Variants in SVIL observed in about 807,000 individuals in gnomAD.
SVIL encodes the protein supervillin.
A neutral mutation model predicts 240.4 loss-of-function variants in SVIL; 101 were observed. The observed-to-expected ratio is 0.42, with a 90% CI of 0.36 to 0.50. The LOEUF is 0.50. SVIL is among the 20% of genes least tolerant of loss of function. The pLI, the probability that SVIL is intolerant of heterozygous loss-of-function variation, is 0.01. For missense variants in SVIL, 2,512 were observed against 2,818.7 expected, an observed-to-expected ratio of 0.89 and a Z score of 2.46; for synonymous variants, 999 against 1,100.0, an observed-to-expected ratio of 0.91 and a Z score of 1.82.
At chr10:29,710,489 CCACT>C (rs1274054004) in intron 1 of SVIL, among the ~76,000 whole-genome samples, 1 of 152,116 alleles carries the variant, frequency 6.6e-6, no homozygotes, top group African/African-American at 2.4e-5. Context: ...ACTGATACAC[CCACT>C]GACTACCAAA....
Position 29,470,501 on chromosome 10 carries a change from G to A in SVIL, c.5636-18C>T, listed in dbSNP as rs904771079. On this transcript the variant is annotated intron_variant, in intron 31 of 37. Coordinates refer to ENST00000355867, the MANE Select transcript of SVIL (RefSeq NM_021738.3). ...CCACTCACCTGCAGGGGGCACCGGC[G>A]GCGCGGAGGAGTTAGCACGTGAGCG... The A allele has an allele frequency of 1.7e-5, 27 of 1,613,656 alleles. No individual in the cohort carries two copies. The highest frequency in any genetic ancestry group is 2.2e-5 in the East Asian group (1 of 44,872).
chr10:29,686,255 T>A (rs1048571591), intron 2 of SVIL, among the ~76,000 whole-genome samples: 8 of 152,168 alleles, frequency 5.3e-5, no homozygotes, highest in African/African-American at 1.9e-4. Context: ...TCCCTATAAA[T>A]GTGAGGCTGT....
intron 13 of SVIL, among the ~76,000 whole-genome samples, chr10:29,526,494 AG>A (rs1950928761): frequency 6.6e-6 from 1 of 151,888 alleles, no homozygotes; most frequent in South Asian, 2.1e-4. Context: ...TAGTAGAGAC[AG>A]GGTTTCACCA....
intron 2 of SVIL, among the ~76,000 whole-genome samples, chr10:29,679,883 G>GA (rs996448699): frequency 1.1e-4 from 16 of 148,360 alleles, no homozygotes; most frequent in Admixed American, 2.7e-4. Context: ...TCTAAAATTA[G>GA]AAAAAAAAAA....
At chr10:29,602,136 T>C (rs1428241712) in intron 1 of SVIL, 1 of 380,686 alleles carries the variant, frequency 2.6e-6, no homozygotes, top group East Asian at 8.5e-5. Flanking sequence ...TTTATGGAGC[T>C]ATTGGCAACT....
At chr10:29,712,287 G>A (rs1382082113) in intron 1 of SVIL, among the ~76,000 whole-genome samples, 1 of 152,206 alleles carries the variant, frequency 6.6e-6, no homozygotes, top group African/African-American at 2.4e-5. Flanking sequence ...GGTCATGGGC[G>A]TGGATTCCTC....
At chr10:29,667,118 C>A (rs34465023) in intron 2 of SVIL, among the ~76,000 whole-genome samples, 35,508 of 151,648 alleles carry the variant, frequency 0.23, 4,881 homozygotes, top group African/African-American at 0.38. Flanking sequence ...ACCTTATGAA[C>A]CAGCAACTCC....
chr10:29,662,883 G>A (rs1228447115), intron 2 of SVIL, among the ~76,000 whole-genome samples: 1 of 152,180 alleles, frequency 6.6e-6, no homozygotes, highest in Non-Finnish European at 1.5e-5. Flanking sequence ...GCCCAAGGCG[G>A]GAGGATCACT....
At chr10:29,555,160 C>A (rs1953791255) in intron 3 of SVIL, 52 bp from the exon 4 acceptor site, 8 of 1,486,494 alleles carry the variant, frequency 5.4e-6, no homozygotes, top group Middle Eastern at 1.9e-4. Flanking sequence ...GTCGTGCGCT[C>A]ATTTTATTCA....
At chr10:29,691,416 T>C (rs1961497668) in intron 1 of SVIL, among the ~76,000 whole-genome samples, 1 of 152,130 alleles carries the variant, frequency 6.6e-6, no homozygotes, top group South Asian at 2.1e-4. Flanking sequence ...TTTCACCGTG[T>C]TAGGCAGGAT....
upstream of SVIL, among the ~76,000 whole-genome samples, chr10:29,637,642 A>G (rs781501552): frequency 1.3e-5 from 2 of 152,240 alleles, no homozygotes; most frequent in Admixed American, 6.5e-5. Flanking sequence ...ACAGGCCCAC[A>G]TGAATATGCC....
At chr10:29,658,496 C>T (rs1043099101) in intron 2 of SVIL, among the ~76,000 whole-genome samples, 1 of 152,214 alleles carries the variant, frequency 6.6e-6, no homozygotes, top group African/African-American at 2.4e-5. Flanking sequence ...GTGGCTCCCA[C>T]CTGTAATCCT....
intron 3 of SVIL, among the ~76,000 whole-genome samples, chr10:29,647,601 T>C (rs550943120): frequency 1.1e-4 from 17 of 152,106 alleles, no homozygotes; most frequent in African/African-American, 4.1e-4. Flanking sequence ...CTGCTTTTAC[T>C]ACCCATTTTT....
intron 2 of SVIL, among the ~76,000 whole-genome samples, chr10:29,669,584 G>A (rs965594546): frequency 6.6e-6 from 1 of 152,200 alleles, no homozygotes. Context: ...AGGTGGATGA[G>A]AAGAAGCATG....
At chr10:29,734,469 C>G (rs1390885882) in intron 1 of SVIL, among the ~76,000 whole-genome samples, 1 of 152,200 alleles carries the variant, frequency 6.6e-6, no homozygotes, top group East Asian at 1.9e-4. Flanking sequence ...GATCTGTTAA[C>G]CTCTTTAAGC....
intron 1 of SVIL, among the ~76,000 whole-genome samples, chr10:29,633,949 A>G (rs1958210827): frequency 6.6e-6 from 1 of 152,206 alleles, no homozygotes; most frequent in Non-Finnish European, 1.5e-5. Context: ...GAACCCTCAG[A>G]ACAAAGATTA....
chr10:29,583,096 C>T (rs116479561), intron 1 of SVIL, among the ~76,000 whole-genome samples: 3 of 152,230 alleles, frequency 2.0e-5, no homozygotes, highest in African/African-American at 4.8e-5. Flanking sequence ...CTGTTGGTAC[C>T]AGATAGATCA....
intron 1 of SVIL, among the ~76,000 whole-genome samples, chr10:29,600,722 T>A (rs894842582): frequency 6.6e-6 from 1 of 152,170 alleles, no homozygotes; most frequent in Non-Finnish European, 1.5e-5. Flanking sequence ...AAGGACCCTA[T>A]GCAAAAACGA....
intron 1 of SVIL, among the ~76,000 whole-genome samples, chr10:29,731,635 G>A (rs1045658036): frequency 6.6e-5 from 10 of 151,872 alleles, no homozygotes; most frequent in East Asian, 1.9e-4. Flanking sequence ...TATACATGCC[G>A]GTTACCCTAA....
Sources: allele counts gnomAD v4.1 joint callset (sites outside exome capture counted in the v4.1 genomes callset), GRCh38; gene constraint gnomAD v4.1.1; transcripts MANE v1.5; gene names NCBI Gene and HGNC (gene_info 2026-07-23, HGNC 2026-07-21).